Variants in SMG1 observed in about 807,000 individuals in gnomAD.
SMG1 encodes serine/threonine-protein kinase SMG1.
A neutral mutation model predicts 419.9 loss-of-function variants in SMG1; 22 were observed. The ratio of observed to expected loss-of-function variants is 0.05; its 90% CI spans 0.04 to 0.07. SMG1 has a LOEUF of 0.07. Among genes scored for constraint, SMG1 ranks in the 10% least tolerant of loss-of-function variants. SMG1 has a pLI of 1.00. For synonymous variants in SMG1, 1,538 were observed against 1,553.5 expected (o/e 0.99, Z 0.23); for missense variants, 3,185 against 4,342.0 (o/e 0.73, Z 7.49).
Position 18,877,216 on chromosome 16 carries a change from T to C in SMG1, c.1535A>G (p.Asn512Ser), listed in dbSNP as rs1322595199. The change falls in exon 12 of 63, where the codon AAT becomes AGT. Residue 512 changes from asparagine (N) to serine (S), a missense_variant. Transcript: ENST00000446231. ...TACAAATGATGATGGCAGTTTCGTA[T>C]TTATCTGTTCAACAATCTAAAAGAA... ...NLLTLIVEQI[N>S]TKLPSSFVEK... 1.9e-6 allele frequency: 3 copies of C among 1,547,314 alleles called. No individual in the cohort carries two copies. The highest frequency in any genetic ancestry group is 4.6e-5 in the East Asian group (2 of 43,628).
intron 23 of SMG1, 171 bp downstream of exon 23, chr16:18,866,450 C>T (rs2035511822): frequency 6.1e-6 from 4 of 659,328 alleles, no homozygotes; most frequent in Non-Finnish European, 5.3e-6. Context: ...TCAAGTATTG[C>T]TGCTAACTAA....
Position 18,850,131 on chromosome 16 carries a change from G to C in SMG1, c.5284-5C>G, listed in dbSNP as rs372368520. The C allele has an allele frequency of 6.2e-6, 10 of 1,609,552 alleles. No homozygotes were observed. Among genetic ancestry groups the C allele is most frequent in the Non-Finnish European group, 8.5e-6 (10 of 1,177,610 alleles). On this transcript the variant is annotated splice_region_variant and splice_polypyrimidine_tract_variant and intron_variant, in intron 34 of 62. Coordinates refer to ENST00000446231, the MANE Select transcript of SMG1 (RefSeq NM_015092.5). ...GTCATCCTCATCTAAAGGAATCTAAGAGTGAAAGATGAGGGGAATAAATAA... is the reference window on the plus strand; with the variant it reads ...GTCATCCTCATCTAAAGGAATCTAACAGTGAAAGATGAGGGGAATAAATAA...
At chr16:18,900,032 G>A in intron 1 of SMG1, 5 of 1,527,036 alleles carry the variant, frequency 3.3e-6, no homozygotes, top group Non-Finnish European at 4.4e-6. Flanking sequence ...GTGATGTTTT[G>A]CATCAAGTCA....
chr16:18,871,733 C>A (rs2141605807), intron 15 of SMG1, among the ~76,000 whole-genome samples: 1 of 152,078 alleles, frequency 6.6e-6, no homozygotes, highest in Middle Eastern at 3.4e-3. Context: ...GTCAGGAGTT[C>A]AAGACCAGCC....
chr16:18,814,083 A>C (rs2031751143), intron 60 of SMG1, among the ~76,000 whole-genome samples: 1 of 149,432 alleles, frequency 6.7e-6, no homozygotes, highest in South Asian at 2.1e-4. Flanking sequence ...TAAAATAAAA[A>C]TAAATAAGAA....
chr16:18,827,468 AT>A (rs1256671344), intron 55 of SMG1, among the ~76,000 whole-genome samples: 3 of 144,994 alleles, frequency 2.1e-5, no homozygotes, highest in Non-Finnish European at 3.0e-5. Context: ...ATATATATAT[AT>A]TTTTATATAT....
At chr16:18,869,064 G>T in intron 20 of SMG1, 40 bp downstream of exon 20, 2 of 1,499,798 alleles carry the variant, frequency 1.3e-6, no homozygotes, top group Non-Finnish European at 1.9e-6. Flanking sequence ...TCTTAATAAG[G>T]CTTTGAAAGT....
intron 39 of SMG1, among the ~76,000 whole-genome samples, chr16:18,844,571 C>CACACACACACAG (rs1491220560): frequency 0.033 from 1,260 of 37,904 alleles, 113 homozygotes; most frequent in African/African-American, 0.16. Context: ...ATCCTTCTCT[C>CACACACACACAG]ACACACACAC....
rs929675772 is a variant in SMG1, at chr16:18,854,645, A to G, written c.4483+11T>C. Reference sequence around the variant, plus strand: ...TATACTCATGTATTAACCATAATTAATTTTACTAACCTGCTGTATAAAGCA... The same window carrying G: ...TATACTCATGTATTAACCATAATTAGTTTTACTAACCTGCTGTATAAAGCA... On this transcript the variant is annotated intron_variant, in intron 30 of 62. Transcript: ENST00000446231. The G allele has an allele frequency of 1.2e-6, 2 of 1,608,014 alleles. No homozygotes were observed. The highest frequency in any genetic ancestry group is 1.7e-6 in the Non-Finnish European group (2 of 1,177,232).
intron 22 of SMG1, among the ~76,000 whole-genome samples, chr16:18,867,699 T>A (rs1230090931): frequency 1.6e-5 from 2 of 126,412 alleles, no homozygotes; most frequent in East Asian, 4.5e-4. Context: ...TATTTTAACT[T>A]CTTTTTTTTT....
chr16:18,850,646 T>C (rs531493482), intron 33 of SMG1, among the ~76,000 whole-genome samples, 179 bp from the exon 34 acceptor site: 50 of 152,348 alleles, frequency 3.3e-4, no homozygotes, highest in Non-Finnish European at 6.3e-4. Flanking sequence ...TATTTACTAA[T>C]ATGAAGCCAG....
At position 18,815,221 on chromosome 16, in the gene SMG1, A is replaced by G. The variant is rs138230401; in HGVS notation, c.10575T>C (p.Cys3525=). Residue 3525 remains cysteine, a synonymous_variant, in exon 60 of 63, where the codon TGT becomes TGC. Coordinates refer to ENST00000446231, the MANE Select transcript of SMG1 (RefSeq NM_015092.5). ...SPLVTDATNE[C]SSPTSSATYQ... is the part of the protein sequence containing the mutation. ...AAGTAGCAGATGACGTTGGACTCGA[A>G]CATTCATTTGTTGCATCGGTGACTA... The G allele has an allele frequency of 1.1e-5, 18 of 1,597,026 alleles. No homozygotes were observed. In the African/African-American group the frequency reaches 1.3e-4, roughly 12 times the overall value.
At chr16:18,838,265 G>A in intron 44 of SMG1, 33 bp from the exon 45 acceptor site, 1 of 1,609,058 alleles carries the variant, frequency 6.2e-7, no homozygotes, top group Non-Finnish European at 8.5e-7. Context: ...AATAAGGTCT[G>A]CCACAAGTTT....
intron 41 of SMG1, among the ~76,000 whole-genome samples, chr16:18,840,743 G>A (rs777981154): frequency 7.9e-5 from 12 of 152,146 alleles, no homozygotes; most frequent in Non-Finnish European, 1.8e-4. Context: ...GGGTTTTAAA[G>A]CGATTATTTA....
rs3222694 is a variant in SMG1 at position 18,832,582 on chromosome 16, GCACACA to G, written c.8792+352_8792+357del. Reference sequence around the variant, plus strand: ...ATGTATGTGACCGAACTATACACTTGCACACACACACACACACACACACACACACAC... The same window carrying G: ...ATGTATGTGACCGAACTATACACTTGCACACACACACACACACACACACAC... On this transcript the variant is annotated intron_variant, in intron 51 of 62. Transcript: ENST00000446231. Among the ~76,000 whole-genome samples the G allele has an allele frequency of 2.1e-3, 308 of 148,374 alleles. 1 individual carries two copies. The highest frequency in any genetic ancestry group is 5.5e-3 in the African/African-American group (222 of 40,360).
At position 18,896,764 on chromosome 16, in the gene SMG1, T is replaced by C. The variant is rs755652950; in HGVS notation, c.256+29A>G. 11 of 1,556,542 alleles carry C rather than the reference T, an allele frequency of 7.1e-6. No homozygotes were observed. The South Asian group carries it at 9.0e-5, about 13-fold the overall frequency. On this transcript the variant is annotated intron_variant, in intron 2 of 62. Transcript: ENST00000446231. ...GTGAGACAGGTAGGTTCAAAAAACA[T>C]GCTTGTAGCAATAAGAAAATATATA...
intron 16 of SMG1, 29 bp downstream of exon 16, chr16:18,871,335 T>TAC: frequency 2.2e-6 from 2 of 928,852 alleles, no homozygotes; most frequent in East Asian, 3.1e-5. Flanking sequence ...ATAAACAAAA[T>TAC]AGAAAAAAAA....
At chr16:18,842,944 C>T (rs1464144272) in intron 39 of SMG1, among the ~76,000 whole-genome samples, 1 of 152,144 alleles carries the variant, frequency 6.6e-6, no homozygotes, top group Non-Finnish European at 1.5e-5. Flanking sequence ...CGCTGGTGGC[C>T]GATGTGCATT....
At chr16:18,889,864 A>G (rs537834562) in intron 5 of SMG1, among the ~76,000 whole-genome samples, 1 of 152,354 alleles carries the variant, frequency 6.6e-6, no homozygotes, top group East Asian at 1.9e-4. Context: ...CTCAAACTGT[A>G]TTAAATAACT....
Sources: allele counts gnomAD v4.1 joint callset (sites outside exome capture counted in the v4.1 genomes callset), GRCh38; gene constraint gnomAD v4.1.1; transcripts MANE v1.5; gene names NCBI Gene and HGNC (gene_info 2026-07-23, HGNC 2026-07-21).